Variants in SH3BP1 observed in about 807,000 individuals in gnomAD.
The protein encoded by SH3BP1 is SH3 domain binding protein 1.
A neutral mutation model predicts 69.8 loss-of-function variants in SH3BP1; 46 were observed. That is an observed-to-expected ratio of 0.66 (90% CI 0.52 to 0.84). The LOEUF is 0.84. Ranked by LOEUF, SH3BP1 falls within the 40% of genes least tolerant of loss-of-function variation. SH3BP1 has a pLI of 0.00. For missense variants in SH3BP1, 868 were observed against 930.9 expected (o/e 0.93, Z 0.88); for synonymous variants, 403 against 378.0 (o/e 1.07, Z -0.77).
Position 37,641,327 on chromosome 22 carries a change from G to A in SH3BP1, c.103-47G>A, listed in dbSNP as rs200662752. Reference sequence around the variant, plus strand: ...GGACAGGAGAAAGTTTCCTGCTCAGGGGGAGACAGCCTCTCTTGATCCTTA... The same window carrying A: ...GGACAGGAGAAAGTTTCCTGCTCAGAGGGAGACAGCCTCTCTTGATCCTTA... On this transcript the variant is annotated intron_variant, in intron 2 of 17. Transcript: ENST00000649765. 89 of 1,542,136 alleles carry A rather than the reference G, an allele frequency of 5.8e-5. 1 individual carries two copies. The African/African-American group carries it at 1.1e-3, about 19-fold the overall frequency.
chr22:37,643,062 C>T, intron 5 of SH3BP1, 36 bp from the exon 6 acceptor site: 1 of 1,602,944 alleles, frequency 6.2e-7, no homozygotes, highest in Non-Finnish European at 8.5e-7. Flanking sequence ...GCTCCCTCCT[C>T]CCCCAGCACA....
intron 9 of SH3BP1, 55 bp from the exon 10 acceptor site, chr22:37,645,310 C>G: frequency 6.4e-7 from 1 of 1,561,406 alleles, no homozygotes; most frequent in Non-Finnish European, 8.7e-7. Flanking sequence ...GGTGCCCCTG[C>G]CTGACTGCTC....
In SH3BP1 at chr22:37,643,744, A is replaced by AAGG; in HGVS notation, c.589_591dup (p.Glu197dup). The AAGG allele has an allele frequency of 6.2e-7, 1 of 1,613,708 alleles. No individual in the cohort carries two copies. Among genetic ancestry groups the AAGG allele is most frequent in the Non-Finnish European group, 8.5e-7 (1 of 1,179,908 alleles). Reference sequence around the variant, plus strand: ...CATGGCCAACAAGGTGGAGACGCTGAAGGAGGAGGAGGAGGAGCTGAAGAG... The same window carrying AAGG: ...CATGGCCAACAAGGTGGAGACGCTGAAGGAGGAGGAGGAGGAGGAGCTGAAGAG... On this transcript the variant is annotated inframe_insertion, in exon 7 of 18. Coordinates refer to ENST00000649765, the MANE Select transcript of SH3BP1 (RefSeq NM_018957.6).
chr22:37,653,492 C>T (rs1280205307), intron 16 of SH3BP1, among the ~76,000 whole-genome samples: 1 of 152,124 alleles, frequency 6.6e-6, no homozygotes, highest in Non-Finnish European at 1.5e-5. Flanking sequence ...CCCTATGTCC[C>T]ACCTCCCATC....
intron 14 of SH3BP1, chr22:37,648,700 CTTTTTTTT>C (rs993648456): frequency 1.9e-5 from 3 of 157,440 alleles, no homozygotes; most frequent in Non-Finnish European, 3.8e-5. Context: ...AGATCGGGTT[CTTTTTTTT>C]TTTTTTTTTT....
chr22:37,653,895 AG>A, intron 17 of SH3BP1, 22 bp downstream of exon 17: 10 of 624,064 alleles, frequency 1.6e-5, no homozygotes, highest in Non-Finnish European at 2.8e-5. Flanking sequence ...GTGGGAGGGG[AG>A]GAGGGGACAG....
At position 37,642,609 on chromosome 22, in the gene SH3BP1, G is replaced by C. The variant is rs143928740; in HGVS notation, c.278G>C (p.Ser93Thr). Reference protein sequence around the residue: ...ESFKELDPDSSMGKALEMSCA... With the variant: ...ESFKELDPDSTMGKALEMSCA... The stretch of plus-strand genomic sequence containing the variant: ...TTCAAGGAGCTGGACCCTGATTCCA[G>C]CATGGGGTGAGCACAGACGGGGCCC... The change falls in exon 4 of 18, where the codon AGC (serine) becomes ACC (threonine). Residue 93 changes from serine (S) to threonine (T), a missense_variant. Physicochemically the swap from Ser to Thr is moderately conservative, Grantham distance 58. Transcript: ENST00000649765. 86 of 1,613,390 alleles carry C rather than the reference G, an allele frequency of 5.3e-5. No homozygotes were observed. In the African/African-American group the frequency reaches 7.6e-4, roughly 14 times the overall value.
In SH3BP1 at chr22:37,655,746, G is replaced by A; in HGVS notation, c.*62G>A. The A allele has an allele frequency of 6.9e-7, 1 of 1,447,208 alleles. No homozygotes were observed. The highest frequency in any genetic ancestry group is 9.1e-7 in the Non-Finnish European group (1 of 1,102,732). The allele number at this position is 1,447,208 out of a possible 1,614,324, so 89.6% of individuals were successfully genotyped here. ...CTCCCTCCCCACCTGGCCCTCCCAG[G>A]ACAGCTCTCGCCCCCCACAAAGGGG... On this transcript the variant is annotated 3_prime_UTR_variant, in exon 18 of 18. Coordinates refer to ENST00000649765, the MANE Select transcript of SH3BP1 (RefSeq NM_018957.6).
intron 15 of SH3BP1, 120 bp downstream of exon 15, chr22:37,650,369 T>C: frequency 6.7e-7 from 1 of 1,492,948 alleles, no homozygotes; most frequent in South Asian, 1.3e-5. Flanking sequence ...AGTTTCTCAT[T>C]TTTACAACGG....
rs932590300 is a variant in SH3BP1 at position 37,641,455 on chromosome 22, G to A, written c.184G>A (p.Gly62Arg). The A allele has an allele frequency of 1.4e-5, 21 of 1,551,098 alleles. No homozygotes were observed. The highest frequency in any genetic ancestry group is 1.7e-5 in the Non-Finnish European group (20 of 1,147,084). ...GCAGGCCTGTCTGCAGGGCCAGAGCGGGGCAGACATGGACAAGCGGGTGGT... is the reference window on the plus strand; with the variant it reads ...GCAGGCCTGTCTGCAGGGCCAGAGCAGGGCAGACATGGACAAGCGGGTGGT... ...RLQACLQGQS[G>R]ADMDKRVKKL... Residue 62 changes from glycine (G) to arginine (R), a missense_variant, in exon 3 of 18, where the codon GGG becomes AGG. Physicochemically the swap from Gly to Arg is moderately radical, Grantham distance 125. This residue lies in a region of SH3BP1 where 387 missense variants were observed against 447.9 expected (regional missense o/e 0.86). Transcript: ENST00000649765.
In SH3BP1 at chr22:37,645,489, T is replaced by C. The variant is rs746950142; in HGVS notation, c.903T>C (p.Leu301=). The C allele has an allele frequency of 7.4e-6, 12 of 1,612,760 alleles. No individual in the cohort carries two copies. Among genetic ancestry groups the C allele is most frequent in the Non-Finnish European group, 1.0e-5 (12 of 1,179,060 alleles). Residue 301 remains leucine, a synonymous_variant, in exon 10 of 18, where the codon CTT becomes CTC. Transcript: ENST00000649765. ...TCGAGGCCTGCGTCATGATGCTGCT[T>C]TCTGAGGGCATGAAGGAAGAGGTGG... The part of the protein sequence containing the change: ...LPIEACVMML[L]SEGMKEEGLF...
rs1480367629 is a variant in SH3BP1 at position 37,648,315 on chromosome 22, T to G, written c.1200-4T>G. 6.3e-7 allele frequency: 1 copy of G among 1,581,332 alleles called. No individual in the cohort carries two copies. The highest frequency in any genetic ancestry group is 8.6e-7 in the Non-Finnish European group (1 of 1,162,970). Reference sequence around the variant, plus strand: ...CCCTGGCCTAAGCCTGCCTCCGCCCTTAGGTACCTGATGAAGTTCCTGGCA... The same window carrying G: ...CCCTGGCCTAAGCCTGCCTCCGCCCGTAGGTACCTGATGAAGTTCCTGGCA... On this transcript the variant is annotated splice_region_variant and splice_polypyrimidine_tract_variant and intron_variant, in intron 13 of 17. Transcript: ENST00000649765.
chr22:37,649,939 G>T (rs1046500075), intron 14 of SH3BP1: 2 of 669,416 alleles, frequency 3.0e-6, no homozygotes, highest in Non-Finnish European at 5.6e-6. Context: ...TGAGGAAAAG[G>T]GTCCTTGATT....
Position 37,639,796 on chromosome 22 carries a change from G to C in SH3BP1, c.9G>C (p.Lys3Asn). 6.4e-7 allele frequency: 1 copy of C among 1,555,186 alleles called. No individual in the cohort carries two copies. The highest frequency in any genetic ancestry group is 8.7e-7 in the Non-Finnish European group (1 of 1,152,736). Residue 3 changes from lysine to asparagine, a missense_variant, in exon 1 of 18, where the codon AAG (lysine) becomes AAC (asparagine). Coordinates refer to ENST00000649765, the MANE Select transcript of SH3BP1 (RefSeq NM_018957.6). The stretch of plus-strand genomic sequence containing the variant: ...CCCAGCTCGCCCCCAAGATGATGAA[G>C]AGGCAGCTGCACCGCATGCGGCAGC... MMKRQLHRMRQLA... is the reference protein window; with the variant it reads MMNRQLHRMRQLA...
intron 16 of SH3BP1, among the ~76,000 whole-genome samples, 188 bp from the exon 17 acceptor site, chr22:37,653,591 T>A (rs1932931805): frequency 6.6e-6 from 1 of 151,590 alleles, no homozygotes; most frequent in Non-Finnish European, 1.5e-5. Context: ...AGCCAGGGGC[T>A]CAGTGGATGC....
intron 3 of SH3BP1, 126 bp downstream of exon 3, chr22:37,641,604 T>C: frequency 1.3e-6 from 1 of 767,208 alleles, no homozygotes; most frequent in Non-Finnish European, 2.1e-6. Flanking sequence ...GAGACTGCTC[T>C]GTTCCAAGGC....
At chr22:37,647,376 G>A (rs974576363) in intron 12 of SH3BP1, 28 bp downstream of exon 12, 1 of 1,613,052 alleles carries the variant, frequency 6.2e-7, no homozygotes, top group African/African-American at 1.3e-5. Context: ...GGGAGGGGAT[G>A]GGGAGGAGGA....
At chr22:37,649,202 A>C (rs1032373794) in intron 14 of SH3BP1, among the ~76,000 whole-genome samples, 1 of 152,104 alleles carries the variant, frequency 6.6e-6, no homozygotes, top group African/African-American at 2.4e-5. Context: ...GAAACTGTGA[A>C]GTGCAAGCCA....
intron 16 of SH3BP1, 191 bp downstream of exon 16, chr22:37,650,916 T>C (rs1463496065): frequency 6.0e-6 from 4 of 669,738 alleles, no homozygotes; most frequent in Non-Finnish European, 9.7e-6. Flanking sequence ...CAGCCACTGA[T>C]GTGTGCCCTA....
Sources: gnomAD v4.1 joint callset for allele counts (sites outside exome capture counted in the v4.1 genomes callset) on GRCh38, gnomAD v4.1.1 for gene constraint, gnomAD v4.1.1 regional missense constraint, MANE v1.5 for transcripts, NCBI Gene and HGNC (gene_info 2026-07-23, HGNC 2026-07-21) for gene names.